Variants in ZNF766 observed in about 807,000 individuals in gnomAD.
The protein encoded by ZNF766 is zinc finger protein 766.
Under a neutral mutation model 13.2 loss-of-function variants are expected in ZNF766, and 13 were observed. The ratio of observed to expected loss-of-function variants is 0.98; its 90% CI spans 0.64 to 1.56. The LOEUF (loss-of-function observed/expected upper bound fraction) is 1.56, where lower values mean the gene tolerates loss of function less well. Among genes scored for constraint, ZNF766 ranks in the 40% most tolerant of loss-of-function variants. ZNF766 has a pLI of 0.00. For synonymous variants in ZNF766, 178 were observed against 187.6 expected (o/e 0.95, Z 0.42); for missense variants, 521 against 552.2 (o/e 0.94, Z 0.57).
rs1046694907 is a variant in ZNF766, at chr19:52,291,708, GCTGAGATCGCGCCA to G, written c.*514_*527del. On this transcript the variant is annotated 3_prime_UTR_variant, in exon 4 of 4. Coordinates refer to ENST00000439461, the MANE Select transcript of ZNF766 (RefSeq NM_001010851.3). ...CAGGAGGCAGAGGTTGTTGCAGTGAGCTGAGATCGCGCCACTGCACTCCAACCTGGGTGACAGAG... is the reference window on the plus strand; with the variant it reads ...CAGGAGGCAGAGGTTGTTGCAGTGAGCTGCACTCCAACCTGGGTGACAGAG... 1.3e-3 allele frequency: 207 copies of G among 161,444 alleles called. 1 individual carries two copies. The highest frequency in any genetic ancestry group is 3.8e-3 in the South Asian group (21 of 5,498). 10.0% of individuals were successfully genotyped at this position (161,444 alleles called of 1,614,324 possible).
At chr19:52,287,853 C>T (rs1225459410) in intron 3 of ZNF766, among the ~76,000 whole-genome samples, 3 of 151,966 alleles carry the variant, frequency 2.0e-5, no homozygotes, top group South Asian at 2.1e-4. Context: ...GTAGTTATTT[C>T]GGTCGTATGC....
At chr19:52,276,354 ATTGTATTGCTATT>A (rs1209365947) in intron 1 of ZNF766, among the ~76,000 whole-genome samples, 4 of 151,992 alleles carry the variant, frequency 2.6e-5, no homozygotes, top group Admixed American at 6.6e-5. Flanking sequence ...TATTATTTTT[ATTGTATTGCTATT>A]TTATATTGGT....
rs1162777974 is a variant in ZNF766, at chr19:52,295,967, C to T, written c.*4769C>T. The T allele has an allele frequency of 1.3e-5, 2 of 151,862 alleles. No individual in the cohort carries two copies. Among genetic ancestry groups the T allele is most frequent in the East Asian group, 1.9e-4 (1 of 5,186 alleles). 9.4% of individuals were successfully genotyped at this position (151,862 alleles called of 1,614,324 possible). On this transcript the variant is annotated 3_prime_UTR_variant, in exon 4 of 4. Coordinates refer to ENST00000439461, the MANE Select transcript of ZNF766 (RefSeq NM_001010851.3). ...AGTGCCTTGATAGTAAATATATTAA[C>T]CCTGTGTATCAATTTGGGGTAATTT... is the stretch of plus-strand genomic sequence containing the variant.
intron 3 of ZNF766, chr19:52,287,929 T>TA (rs1386193919): frequency 2.5e-6 from 1 of 395,212 alleles, no homozygotes; most frequent in East Asian, 8.3e-5. Flanking sequence ...AGTGAACTCT[T>TA]ACTTTCCTGA....
intron 1 of ZNF766, among the ~76,000 whole-genome samples, chr19:52,272,432 G>A (rs919989702): frequency 3.9e-5 from 6 of 152,070 alleles, no homozygotes; most frequent in Non-Finnish European, 7.4e-5. Flanking sequence ...TGTCTTCTCT[G>A]AATGTGGGAG....
chr19:52,271,978 C>G (rs547901799), intron 1 of ZNF766, among the ~76,000 whole-genome samples: 3 of 48,250 alleles, frequency 6.2e-5, no homozygotes, highest in Admixed American at 2.3e-4. Context: ...GTGAGACTGT[C>G]TCAAAAAAAA....
At chr19:52,282,940 C>T (rs1016500720) in intron 2 of ZNF766, among the ~76,000 whole-genome samples, 1 of 152,068 alleles carries the variant, frequency 6.6e-6, no homozygotes, top group Admixed American at 6.6e-5. Context: ...TTCTTGAATT[C>T]TTGATTAGTT....
At position 52,290,766 on chromosome 19, in the gene ZNF766, A is replaced by G. The variant is rs1982099760; in HGVS notation, c.975A>G (p.Lys325=). 1 of 1,613,952 alleles carries G rather than the reference A, an allele frequency of 6.2e-7. No individual in the cohort carries two copies. Among genetic ancestry groups the G allele is most frequent in the Non-Finnish European group, 8.5e-7 (1 of 1,179,892 alleles). Residue 325 remains lysine, a synonymous_variant, in exon 4 of 4, where the codon AAA becomes AAG. Transcript: ENST00000439461. ...ATTGGAGAATTCATACAGGAGAGAAACTTTACAAATGTAATAAATGTGGCA... is the reference window on the plus strand; with the variant it reads ...ATTGGAGAATTCATACAGGAGAGAAGCTTTACAAATGTAATAAATGTGGCA... ...AQHWRIHTGE[K]LYKCNKCGKE...
chr19:52,283,914 T>C (rs928496140), intron 3 of ZNF766, among the ~76,000 whole-genome samples: 1 of 152,138 alleles, frequency 6.6e-6, no homozygotes, highest in African/African-American at 2.4e-5. Flanking sequence ...ATTTTTGTAT[T>C]TTTAGTACAG....
rs565608228 is a variant in ZNF766 at position 52,289,757 on chromosome 19, T to C, written c.275-309T>C. On this transcript the variant is annotated intron_variant, in intron 3 of 3. Transcript: ENST00000439461. ...GGCTCACACCTATAATCCCAGCACTTTGGGAGGCCACGGCGGGCGGATCAC... is the reference window on the plus strand; with the variant it reads ...GGCTCACACCTATAATCCCAGCACTCTGGGAGGCCACGGCGGGCGGATCAC... Among the ~76,000 whole-genome samples the C allele has an allele frequency of 3.8e-3, 580 of 152,112 alleles. 3 individuals carry two copies. Among genetic ancestry groups the C allele is most frequent in the Non-Finnish European group, 4.8e-3 (328 of 67,990 alleles).
At chr19:52,282,414 T>C (rs2071809595) in intron 2 of ZNF766, 177 bp downstream of exon 2, 2 of 604,250 alleles carry the variant, frequency 3.3e-6, no homozygotes, top group Non-Finnish European at 5.2e-6. Flanking sequence ...GGTGGGTGGA[T>C]TGCTTGAGGT....
intron 3 of ZNF766, among the ~76,000 whole-genome samples, chr19:52,284,124 C>T (rs561937195): frequency 6.6e-6 from 1 of 152,340 alleles, no homozygotes; most frequent in South Asian, 2.1e-4. Context: ...AGGCTTTTAT[C>T]ATGATGGACA....
In ZNF766 at chr19:52,291,079, CAG is replaced by C; in HGVS notation, c.1292_1293del (p.Arg431AsnfsTer15). 2 of 1,614,128 alleles carry C rather than the reference CAG, an allele frequency of 1.2e-6. No homozygotes were observed. The highest frequency in any genetic ancestry group is 8.5e-7 in the Non-Finnish European group (1 of 1,179,982). On this transcript the variant is annotated frameshift_variant, in exon 4 of 4. Transcript: ENST00000439461. LOFTEE classifies it low-confidence loss of function (END_TRUNC). ...TCAGAATTCACACCTTGCAAATCAT[CAG>C]AGAATCCACACTGGAGAGAAACCTT... ...FTQNSHLANH[Q>X]RIHTGEKPYK...
rs915084903 is a variant in ZNF766, at chr19:52,292,494, T to C, written c.*1296T>C. The C allele has an allele frequency of 3.2e-6, 1 of 315,052 alleles. No individual in the cohort carries two copies. Among genetic ancestry groups the C allele is most frequent in the Non-Finnish European group, 5.8e-6 (1 of 173,206 alleles). 19.5% of individuals were successfully genotyped at this position (315,052 alleles called of 1,614,324 possible). A position where few individuals can be genotyped will look rare whatever the true frequency, so the allele number is the denominator to read the frequency against. ...AGGAGAGACGATGCAGGGGAAATGG[T>C]GGCCACCGTCTCCATTGAATAGCAA... On this transcript the variant is annotated 3_prime_UTR_variant, in exon 4 of 4. Transcript: ENST00000439461.
chr19:52,294,148 G>A lies in ZNF766; in HGVS notation c.*2950G>A. ...ACAGTAATATGGAAAATAGGACAAA[G>A]TGTGGACTTCAGGATGAAAATATTG... is the stretch of plus-strand genomic sequence containing the variant. On this transcript the variant is annotated 3_prime_UTR_variant, in exon 4 of 4. Coordinates refer to ENST00000439461, the MANE Select transcript of ZNF766 (RefSeq NM_001010851.3). 6.6e-6 allele frequency: 1 copy of A among 152,208 alleles called. No individual in the cohort carries two copies. The highest frequency in any genetic ancestry group is 1.9e-4 in the East Asian group (1 of 5,198). The allele number at this position is 152,208 out of a possible 1,614,324, so 9.4% of individuals were successfully genotyped here.
intron 1 of ZNF766, among the ~76,000 whole-genome samples, chr19:52,276,212 C>T (rs1466104286): frequency 6.6e-6 from 1 of 152,150 alleles, no homozygotes; most frequent in Admixed American, 6.5e-5. Flanking sequence ...TTAAGCGATG[C>T]GTGACTGCAT....
At chr19:52,281,407 T>C (rs1981510694) in intron 1 of ZNF766, 1 of 271,792 alleles carries the variant, frequency 3.7e-6, no homozygotes, top group Non-Finnish European at 7.2e-6. Context: ...TAATGCTAGC[T>C]GCTCGGGAGG....
chr19:52,269,599 G>A lies in ZNF766; in HGVS notation c.-15G>A, dbSNP rs750731761. ...CGCAGCCGCCTGCAGACCCGGAAGT[G>A]GATGGCGTGGAGATATGGCGCAACT... is the stretch of plus-strand genomic sequence containing the variant. On this transcript the variant is annotated 5_prime_UTR_variant, in exon 1 of 4. Coordinates refer to ENST00000439461, the MANE Select transcript of ZNF766 (RefSeq NM_001010851.3). 63 of 1,612,176 alleles carry A rather than the reference G, an allele frequency of 3.9e-5. No homozygotes were observed. Among genetic ancestry groups the A allele is most frequent in the Non-Finnish European group, 5.0e-5 (59 of 1,179,630 alleles).
chr19:52,277,336 G>A (rs1981256911), intron 1 of ZNF766: 4 of 943,550 alleles, frequency 4.2e-6, no homozygotes, highest in Non-Finnish European at 6.1e-6. Context: ...GCGGGCACCT[G>A]TAGTCCCAGC....
Sources: gnomAD v4.1 joint callset for allele counts (sites outside exome capture counted in the v4.1 genomes callset) on GRCh38, gnomAD v4.1.1 for gene constraint, MANE v1.5 for transcripts, NCBI Gene and HGNC (gene_info 2026-07-23, HGNC 2026-07-21) for gene names.